RAPGEF4: variants seen among roughly 807,000 people sequenced by gnomAD.
The protein encoded by RAPGEF4 is Rap guanine nucleotide exchange factor 4, also known as RAP guanine-nucleotide-exchange factor (GEF) 4.
Under a neutral mutation model 147.9 loss-of-function variants are expected in RAPGEF4, and 66 were observed. The ratio of observed to expected loss-of-function variants is 0.45; its 90% confidence interval spans 0.37 to 0.55. The LOEUF (loss-of-function observed/expected upper bound fraction) is 0.55, where lower values mean the gene tolerates loss of function less well. Among genes scored for constraint, RAPGEF4 ranks in the 20% least tolerant of loss-of-function variants. RAPGEF4 has a pLI of 0.00. For missense variants in RAPGEF4, 1,071 were observed against 1,257.3 expected (o/e 0.85, Z 2.24); for synonymous variants, 419 against 442.7 (o/e 0.95, Z 0.67).
At chr2:172,817,056 C>G (rs755297391) in intron 4 of RAPGEF4, among the ~76,000 whole-genome samples, 1 of 152,088 alleles carries the variant, frequency 6.6e-6, no homozygotes, top group Non-Finnish European at 1.5e-5. Flanking sequence ...TCTAAAGTAC[C>G]TTCTGAATAA....
At chr2:172,850,313 T>A (rs72906194) in intron 4 of RAPGEF4, among the ~76,000 whole-genome samples, 1 of 152,146 alleles carries the variant, frequency 6.6e-6, no homozygotes, top group Non-Finnish European at 1.5e-5. Flanking sequence ...GTAACATTTT[T>A]AAATTAAAAA....
rs1288258647 is a variant in RAPGEF4 at position 172,853,223 on chromosome 2, TC to T, written c.444+38800del. Among the ~76,000 whole-genome samples the T allele has an allele frequency of 2.0e-5, 3 of 152,162 alleles. 1 individual carries two copies. Among genetic ancestry groups the T allele is most frequent in the African/African-American group, 7.2e-5 (3 of 41,566 alleles). On this transcript the variant is annotated intron_variant, in intron 4 of 30. Transcript: ENST00000397081. The stretch of plus-strand genomic sequence containing the variant: ...GTCATGTAGGATTGATATTATTTTT[TC>T]CATAAATATTTGATAGAATACCATG...
intron 4 of RAPGEF4, among the ~76,000 whole-genome samples, chr2:172,849,727 A>T (rs1323600607): frequency 6.6e-6 from 1 of 152,208 alleles, no homozygotes. Context: ...TGCTTAGACC[A>T]CTAAGATCTC....
chr2:172,816,955 C>T (rs1366775137), intron 4 of RAPGEF4, among the ~76,000 whole-genome samples: 1 of 152,194 alleles, frequency 6.6e-6, no homozygotes, highest in African/African-American at 2.4e-5. Flanking sequence ...ATGCAATAAA[C>T]CCCATTATCT....
chr2:172,965,834 G>A, intron 9 of RAPGEF4, 151 bp downstream of exon 9: 3 of 947,818 alleles, frequency 3.2e-6, no homozygotes, highest in South Asian at 1.7e-5. Flanking sequence ...CAATACAAAT[G>A]CAGCAAGTAG....
chr2:172,745,738 T>A (rs1469692184), intron 1 of RAPGEF4, among the ~76,000 whole-genome samples: 1 of 152,190 alleles, frequency 6.6e-6, no homozygotes, highest in African/African-American at 2.4e-5. Context: ...TTTTATTCAG[T>A]ATTTGTAAAC....
At chr2:172,877,419 T>G (rs112662780) in intron 4 of RAPGEF4, among the ~76,000 whole-genome samples, 15 of 151,870 alleles carry the variant, frequency 9.9e-5, no homozygotes, top group African/African-American at 3.6e-4. Flanking sequence ...CTCATGTAGA[T>G]GATGGGTTGA....
intron 3 of RAPGEF4, among the ~76,000 whole-genome samples, chr2:172,807,520 T>C (rs1464246558): frequency 6.6e-6 from 1 of 152,234 alleles, no homozygotes; most frequent in African/African-American, 2.4e-5. Flanking sequence ...CAATCTAACA[T>C]CTTGACAAAT....
At chr2:172,912,471 A>G (rs1223676217) in intron 4 of RAPGEF4, among the ~76,000 whole-genome samples, 2 of 152,226 alleles carry the variant, frequency 1.3e-5, no homozygotes, top group African/African-American at 4.8e-5. Flanking sequence ...GCAGGGTTTT[A>G]CAGTTGCACA....
At chr2:173,002,313 T>C (rs554276512) in intron 17 of RAPGEF4, among the ~76,000 whole-genome samples, 14 of 151,456 alleles carry the variant, frequency 9.2e-5, no homozygotes, top group Admixed American at 6.6e-4. Context: ...AGACCCAAAA[T>C]TTGAAACTCC....
At chr2:172,745,261 T>C (rs1694663767) in intron 1 of RAPGEF4, among the ~76,000 whole-genome samples, 2 of 152,148 alleles carry the variant, frequency 1.3e-5, no homozygotes, top group South Asian at 4.1e-4. Context: ...AAATTCAAAC[T>C]GTAATAGAGG....
At chr2:172,795,704 T>C (rs1686292536) in intron 2 of RAPGEF4, among the ~76,000 whole-genome samples, 2 of 152,190 alleles carry the variant, frequency 1.3e-5, no homozygotes, top group South Asian at 4.1e-4. Context: ...TTTCAACTAA[T>C]TGGAATATTC....
chr2:172,837,650 C>A (rs1295570478), intron 4 of RAPGEF4, among the ~76,000 whole-genome samples: 2 of 152,196 alleles, frequency 1.3e-5, no homozygotes, highest in Non-Finnish European at 2.9e-5. Context: ...TTGTAGCTCA[C>A]TGTGGTCTTG....
Position 173,018,716 on chromosome 2 carries a change from C to G in RAPGEF4, c.2069C>G (p.Thr690Ser), listed in dbSNP as rs765062932. Residue 690 changes from threonine to serine, a missense_variant, in exon 22 of 31, where the codon ACT (threonine) becomes AGT (serine). Physicochemically the swap from Thr to Ser is moderately conservative, Grantham distance 58. Transcript: ENST00000397081. ...ACAACCATTCGGGTGCCAGTGGCCA[C>G]TTCGGTGAAGGAAGTCATCAGTGCA... ...TYTTIRVPVA[T>S]SVKEVISAVA... 1 of 1,614,098 alleles carries G rather than the reference C, an allele frequency of 6.2e-7. No homozygotes were observed. The highest frequency in any genetic ancestry group is 2.2e-5 in the East Asian group (1 of 44,872).
chr2:172,927,549 T>C (rs1685494405), intron 6 of RAPGEF4, among the ~76,000 whole-genome samples: 1 of 151,992 alleles, frequency 6.6e-6, no homozygotes, highest in African/African-American at 2.4e-5. Flanking sequence ...GGCAAAAGGA[T>C]TGCTTAAGCC....
At chr2:172,893,033 A>T (rs1000044891) in intron 4 of RAPGEF4, among the ~76,000 whole-genome samples, 1 of 152,214 alleles carries the variant, frequency 6.6e-6, no homozygotes, top group Non-Finnish European at 1.5e-5. Flanking sequence ...TTATGTATTG[A>T]TCTATGCAGT....
intron 27 of RAPGEF4, 147 bp from the exon 28 acceptor site, chr2:173,035,978 T>G: frequency 1.6e-6 from 1 of 618,198 alleles, no homozygotes. Flanking sequence ...AGAAAAGCCA[T>G]GTATAAGTGA....
intron 4 of RAPGEF4, among the ~76,000 whole-genome samples, chr2:172,906,968 C>T (rs147532214): frequency 6.6e-5 from 10 of 152,344 alleles, no homozygotes; most frequent in Admixed American, 1.3e-4. Context: ...ATGGAGACTT[C>T]GTGCACATTA....
intron 29 of RAPGEF4, among the ~76,000 whole-genome samples, chr2:173,046,426 A>C (rs1685479323): frequency 6.6e-6 from 1 of 152,202 alleles, no homozygotes; most frequent in African/African-American, 2.4e-5. Context: ...TGGTATAGGA[A>C]GAGGTTTCTG....
Sources: gnomAD v4.1 joint callset for allele counts (sites outside exome capture counted in the v4.1 genomes callset) on GRCh38, gnomAD v4.1.1 for gene constraint, MANE v1.5 for transcripts, NCBI Gene and HGNC (gene_info 2026-07-23, HGNC 2026-07-21) for gene names.